The following USB1 variants were observed in gnomAD, a reference collection of about 807,000 sequenced individuals.
USB1 encodes the protein U6 snRNA biogenesis phosphodiesterase 1.
Under a neutral mutation model 29.9 loss-of-function variants are expected in USB1, and 21 were observed. The observed-to-expected ratio is 0.70, with a 90% CI of 0.50 to 1.01. The LOEUF (loss-of-function observed/expected upper bound fraction) is 1.01. USB1 is among the 50% of genes least tolerant of loss of function. The probability of loss-of-function intolerance (pLI) is 0.00; values close to 1 mark genes in which losing one functional copy is unlikely to be tolerated. For missense variants in USB1, 330 were observed against 347.1 expected (o/e 0.95, Z 0.39); for synonymous variants, 143 against 134.9 (o/e 1.06, Z -0.42).
chr16:58,017,015 A>G, intron 4 of USB1: 1 of 382,498 alleles, frequency 2.6e-6, no homozygotes, highest in Non-Finnish European at 5.0e-6. Flanking sequence ...TGCGATTGGA[A>G]TGATGATGGA....
rs1555498563 is a variant in USB1, at chr16:58,017,348, T to G, written c.518T>G (p.Leu173Arg). 1 of 1,614,188 alleles carries G rather than the reference T, an allele frequency of 6.2e-7. No homozygotes were observed. Among genetic ancestry groups the G allele is most frequent in the Non-Finnish European group, 8.5e-7 (1 of 1,180,012 alleles). The change falls in exon 5 of 7, where the codon CTT (leucine) becomes CGT (arginine). Residue 173 changes from leucine to arginine, a missense_variant. Transcript: ENST00000219281. Reference protein sequence around the residue: ...NQEKTRTFIGLEVTSGHAQFL... With the variant: ...NQEKTRTFIGREVTSGHAQFL... The stretch of plus-strand genomic sequence containing the variant: ...CCTCTCCCCAGGACCTTTATTGGGC[T>G]TGAGGTCACTTCAGGGCATGCCCAG...
chr16:58,013,217 C>T lies in USB1; in HGVS notation c.450-1056C>T. On this transcript the variant is annotated intron_variant, in intron 3 of 6. Coordinates refer to ENST00000219281, the MANE Select transcript of USB1 (RefSeq NM_024598.4). This position sits in a 1 kb window ranked among gnomAD's most constrained non-coding sequence, Gnocchi z 4.3. ...AGAGCCATCCTGCAACACGAGGTTA[C>T]CAGGAGAAGGAGTTTTGGTTGGGCA... 1.0e-6 allele frequency: 1 copy of T among 985,442 alleles called. No homozygotes were observed. The highest frequency in any genetic ancestry group is 4.7e-5 in the South Asian group (1 of 21,286). 61.0% of individuals were successfully genotyped at this position (985,442 alleles called of 1,614,324 possible).
In USB1 at chr16:58,013,628, C is replaced by G. The variant is rs1963546867; in HGVS notation, c.450-645C>G. The G allele has an allele frequency of 2.0e-6, 2 of 986,108 alleles. No individual in the cohort carries two copies. The highest frequency in any genetic ancestry group is 3.5e-5 in the African/African-American group (2 of 57,194). 61.1% of individuals were successfully genotyped at this position (986,108 alleles called of 1,614,324 possible). ...GGTGGGTGGGTGGGGGCATCTGTCT[C>G]GATTTCACACCAACAGACCTATTCC... is the stretch of plus-strand genomic sequence containing the variant. On this transcript the variant is annotated intron_variant, in intron 3 of 6. Coordinates refer to ENST00000219281, the MANE Select transcript of USB1 (RefSeq NM_024598.4). This position sits in a 1 kb window ranked among gnomAD's most constrained non-coding sequence, Gnocchi z 4.3.
rs147225056 is a variant in USB1, at chr16:58,005,114, T to C, written c.265+2469T>C. On this transcript the variant is annotated intron_variant, in intron 2 of 6. Coordinates refer to ENST00000219281, the MANE Select transcript of USB1 (RefSeq NM_024598.4). ...TATCAGAGACTTTTAGTACTTTCAC[T>C]AATTTTGCTACTGCTAGCTAAAAGG... Among the ~76,000 whole-genome samples the C allele has an allele frequency of 1.2e-4, 18 of 152,292 alleles. No homozygotes were observed. In the East Asian group the frequency reaches 3.5e-3, roughly 29 times the overall value.
At chr16:58,010,774 C>T (rs756634847) in intron 3 of USB1, 15 of 539,502 alleles carry the variant, frequency 2.8e-5, no homozygotes, top group Non-Finnish European at 4.7e-5. Context: ...TGGAAGGGTC[C>T]CGAGCATGGG....
At chr16:58,011,265 A>C in intron 3 of USB1, 1 of 1,449,854 alleles carries the variant, frequency 6.9e-7, no homozygotes, top group Non-Finnish European at 9.0e-7. Context: ...AGGTCATGGT[A>C]ATGGTGGGAG....
At chr16:58,008,219 C>T (rs776353713) in intron 2 of USB1, among the ~76,000 whole-genome samples, 1 of 151,724 alleles carries the variant, frequency 6.6e-6, no homozygotes. Flanking sequence ...TGTGTGCCCT[C>T]TCTATTTTTC....
intron 3 of USB1, 158 bp from the exon 4 acceptor site, chr16:58,014,115 T>G: frequency 1.5e-6 from 1 of 647,626 alleles, no homozygotes; most frequent in East Asian, 2.8e-5. Context: ...CCAGCTCTAA[T>G]GTTTAAGGTT....
intron 2 of USB1, among the ~76,000 whole-genome samples, chr16:58,004,632 C>T (rs1356918929): frequency 6.6e-6 from 1 of 152,144 alleles, no homozygotes; most frequent in African/African-American, 2.4e-5. Context: ...TTGTCAGTAT[C>T]ACAAAATAAC....
chr16:58,015,909 T>A (rs1460577158), intron 4 of USB1: 4 of 152,228 alleles, frequency 2.6e-5, no homozygotes, highest in Non-Finnish European at 5.9e-5. Flanking sequence ...GGTTAGCCCA[T>A]CCAGGGGCTG....
In USB1 at chr16:58,020,578, T is replaced by A; in HGVS notation, c.*333T>A. ...CCTCCCCTCCTCTCTTCCTCTCCTC[T>A]CTCTTCCTCTCCTCTCTCTACCCCT... On this transcript the variant is annotated 3_prime_UTR_variant, in exon 7 of 7. Coordinates refer to ENST00000219281, the MANE Select transcript of USB1 (RefSeq NM_024598.4). 2 of 344,372 alleles carry A rather than the reference T, an allele frequency of 5.8e-6. No individual in the cohort carries two copies. Among genetic ancestry groups the A allele is most frequent in the Non-Finnish European group, 1.1e-5 (2 of 186,624 alleles). The allele number at this position is 344,372 out of a possible 1,614,324, so 21.3% of individuals were successfully genotyped here.
At chr16:58,010,699 A>G (rs1003846946) in intron 3 of USB1, 8 of 320,618 alleles carry the variant, frequency 2.5e-5, no homozygotes, top group Non-Finnish European at 4.7e-5. Context: ...GCGCCAGTTT[A>G]TTACAAAGGA....
rs12921929 is a variant in USB1 at position 58,013,612 on chromosome 16, G to T, written c.450-661G>T. On this transcript the variant is annotated intron_variant, in intron 3 of 6. Transcript: ENST00000219281. This position sits in a 1 kb window ranked among gnomAD's most constrained non-coding sequence, Gnocchi z 4.3. ...TGTTATTGATCTGAGGGGTGGGTGGGTGGGGGCATCTGTCTCGATTTCACA... is the reference window on the plus strand; with the variant it reads ...TGTTATTGATCTGAGGGGTGGGTGGTTGGGGGCATCTGTCTCGATTTCACA... The T allele has an allele frequency of 1.5e-5, 2 of 134,682 alleles. No homozygotes were observed. Among genetic ancestry groups the T allele is most frequent in the African/African-American group, 2.7e-5 (1 of 36,640 alleles). The allele number at this position is 134,682 out of a possible 1,614,324, so 8.3% of individuals were successfully genotyped here.
At chr16:58,017,181 T>G in intron 4 of USB1, 153 bp from the exon 5 acceptor site, 1 of 711,322 alleles carries the variant, frequency 1.4e-6, no homozygotes, top group Non-Finnish European at 2.6e-6. Context: ...ACTGAGAGAG[T>G]TGGCTCATGG....
Position 58,019,069 on chromosome 16 carries a change from G to A in USB1, c.693+14G>A. ...CAGGAACTACAGGTGAATTTCCAGG[G>A]CGGGAGCACAGAGGGCGCTGAACTC... On this transcript the variant is annotated intron_variant, in intron 6 of 6. Coordinates refer to ENST00000219281, the MANE Select transcript of USB1 (RefSeq NM_024598.4). 6.2e-7 allele frequency: 1 copy of A among 1,613,830 alleles called. No homozygotes were observed. Among genetic ancestry groups the A allele is most frequent in the South Asian group, 1.1e-5 (1 of 91,002 alleles).
chr16:58,014,593 G>A (rs918998365), intron 4 of USB1, among the ~76,000 whole-genome samples: 3 of 152,038 alleles, frequency 2.0e-5, no homozygotes, highest in African/African-American at 7.2e-5. Context: ...GACCAGCCTG[G>A]GCAACATGGC....
intron 3 of USB1, chr16:58,010,919 T>A (rs1963478060): frequency 2.9e-6 from 2 of 693,472 alleles, no homozygotes; most frequent in Non-Finnish European, 5.2e-6. Flanking sequence ...CATGATGGAT[T>A]ATTAACTCAG....
intron 3 of USB1, chr16:58,012,810 C>T (rs1963528666): frequency 5.0e-6 from 5 of 996,250 alleles, no homozygotes; most frequent in Middle Eastern, 1.0e-3. Context: ...AACTGCACCC[C>T]TCCAGGGAAG....
At chr16:58,000,200 G>A (rs988654822), upstream of USB1, among the ~76,000 whole-genome samples, 3 of 152,126 alleles carry the variant, frequency 2.0e-5, no homozygotes, top group Non-Finnish European at 4.4e-5. The surrounding 1 kb of genome is among the most constrained non-coding windows in gnomAD (Gnocchi z 4.5). Context: ...GAGGGCGGCC[G>A]GGCTGGAGAA....
Sources: allele counts gnomAD v4.1 joint callset (sites outside exome capture counted in the v4.1 genomes callset), GRCh38; gene constraint gnomAD v4.1.1; non-coding constraint Gnocchi (gnomAD v3.1); transcripts MANE v1.5; gene names NCBI Gene and HGNC (gene_info 2026-07-23, HGNC 2026-07-21).